Variants in SBF1 observed in about 807,000 individuals in gnomAD.
SBF1 encodes SET binding factor 1.
Under a neutral mutation model 215.8 loss-of-function variants are expected in SBF1, and 65 were observed. The observed-to-expected ratio is 0.30, with a 90% CI of 0.25 to 0.37. The LOEUF (loss-of-function observed/expected upper bound fraction) is 0.37, where lower values mean the gene tolerates loss of function less well. Among genes scored for constraint, SBF1 ranks in the 10% least tolerant of loss-of-function variants. The pLI is 1.00. For synonymous variants in SBF1, 1,410 were observed against 1,122.8 expected (o/e 1.26, Z -5.11); for missense variants, 2,634 against 2,667.8 (o/e 0.99, Z 0.28).
chr22:50,462,515 C>CAGCCCCT lies in SBF1; in HGVS notation c.2127+37_2127+43dup, dbSNP rs765757476. On this transcript the variant is annotated intron_variant, in intron 18 of 40. Coordinates refer to ENST00000380817, the MANE Select transcript of SBF1 (RefSeq NM_002972.4). ...CGCATGAGCCGGGGCCACGCTGCCC[C>CAGCCCCT]AGCCCCTAGCCCCCAGCCCCCAGCC... The CAGCCCCT allele has an allele frequency of 3.1e-6, 5 of 1,611,002 alleles. No homozygotes were observed. The Admixed American group carries it at 6.7e-5, about 22-fold the overall frequency.
chr22:50,453,108 C>T (rs961200905), intron 36 of SBF1, among the ~76,000 whole-genome samples: 1 of 151,986 alleles, frequency 6.6e-6, no homozygotes, highest in African/African-American at 2.4e-5. Context: ...TAAAAAAACC[C>T]ATTAGACTGG....
rs376310469 is a variant in SBF1, at chr22:50,462,444, G to A, written c.2157C>T (p.Asp719=). 31 of 1,613,734 alleles carry A rather than the reference G, an allele frequency of 1.9e-5. No homozygotes were observed. In the African/African-American group the frequency reaches 2.1e-4, roughly 11 times the overall value. ...QEVGEAPSQE[D]ERSALDVASE... is the part of the protein sequence containing the mutation. ...AAGCCACGTCTAGGGCAGAGCGCTCGTCCTCCTGGGAAGGTGCCTCCCCAA... is the reference window on the plus strand; with the variant it reads ...AAGCCACGTCTAGGGCAGAGCGCTCATCCTCCTGGGAAGGTGCCTCCCCAA... Residue 719 remains aspartate (D), a synonymous_variant, in exon 19 of 41, where the codon GAC becomes GAT. Coordinates refer to ENST00000380817, the MANE Select transcript of SBF1 (RefSeq NM_002972.4).
rs373494342 is a variant in SBF1 at position 50,459,304 on chromosome 22, C to A, written c.3777G>T (p.Ser1259=). Residue 1259 remains serine (S), a synonymous_variant, in exon 28 of 41, where the codon TCG becomes TCT. Coordinates refer to ENST00000380817, the MANE Select transcript of SBF1 (RefSeq NM_002972.4). ...AGAAGCCGCTAAGCGTGTTGCGTCC[C>A]GACGCGTCGGCGTAGCGGGGCATGG... ...VSSMPRYADA[S]GRNTLSGFSS... is the part of the protein sequence containing the mutation. 8.7e-6 allele frequency: 14 copies of A among 1,611,980 alleles called. No homozygotes were observed. Among genetic ancestry groups the A allele is most frequent in the African/African-American group, 1.3e-5 (1 of 74,914 alleles).
In SBF1 at chr22:50,474,943, C is replaced by T; in HGVS notation, c.-103G>A. 1.3e-6 allele frequency: 1 copy of T among 790,122 alleles called. No individual in the cohort carries two copies. The highest frequency in any genetic ancestry group is 1.7e-6 in the Non-Finnish European group (1 of 595,652). The allele number at this position is 790,122 out of a possible 1,614,324, so 48.9% of individuals were successfully genotyped here. On this transcript the variant is annotated 5_prime_UTR_variant, in exon 1 of 41. Coordinates refer to ENST00000380817, the MANE Select transcript of SBF1 (RefSeq NM_002972.4). Reference sequence around the variant, plus strand: ...CCGGCCCCGGCCCTGGACCGCGCACCCCGGACACCCCTGGTTCGCTCCGCG... The same window carrying T: ...CCGGCCCCGGCCCTGGACCGCGCACTCCGGACACCCCTGGTTCGCTCCGCG...
In SBF1 at chr22:50,454,549, G is replaced by T; in HGVS notation, c.5006C>A (p.Pro1669Gln). The T allele has an allele frequency of 6.2e-7, 1 of 1,611,172 alleles. No homozygotes were observed. Among genetic ancestry groups the T allele is most frequent in the African/African-American group, 1.3e-5 (1 of 75,016 alleles). The change falls in exon 36 of 41, where the codon CCG becomes CAG. Residue 1669 changes from proline to glutamine, a missense_variant. By Grantham distance (76) the Pro-to-Gln change is moderately conservative. Transcript: ENST00000380817. ...TGAGATGGCGTCAGGCTGGGCCCGC[G>T]GGCAGCTGTCGTAACAGGGCCACAC... ...RVVWPCYDSC[P>Q]RAQPDAISRL...
chr22:50,460,936 G>A (rs997933083), intron 23 of SBF1, among the ~76,000 whole-genome samples: 2 of 152,204 alleles, frequency 1.3e-5, no homozygotes, highest in Non-Finnish European at 2.9e-5. Flanking sequence ...CCCAAGACAC[G>A]GACTTGAGGG....
At chr22:50,454,165 G>A (rs180924914) in intron 36 of SBF1, among the ~76,000 whole-genome samples, 4 of 152,314 alleles carry the variant, frequency 2.6e-5, no homozygotes, top group South Asian at 4.2e-4. Flanking sequence ...AAACACTGTC[G>A]TCTCTAAGGG....
rs2066820323 is a variant in SBF1, at chr22:50,446,439, G to C, written c.*703C>G. The C allele has an allele frequency of 6.0e-6, 1 of 165,518 alleles. No homozygotes were observed. 10.3% of individuals were successfully genotyped at this position (165,518 alleles called of 1,614,324 possible). A position where few individuals can be genotyped will look rare whatever the true frequency, so the allele number is the denominator to read the frequency against. The stretch of plus-strand genomic sequence containing the variant: ...TGACGTCCACCTCAAGTGTCCTCTG[G>C]ACCTGCAACAGCCTTCTGGGGTCAA... On this transcript the variant is annotated 3_prime_UTR_variant, in exon 41 of 41. Coordinates refer to ENST00000380817, the MANE Select transcript of SBF1 (RefSeq NM_002972.4).
At chr22:50,454,037 C>A (rs1328460213) in intron 36 of SBF1, among the ~76,000 whole-genome samples, 1 of 152,178 alleles carries the variant, frequency 6.6e-6, no homozygotes, top group Non-Finnish European at 1.5e-5. Flanking sequence ...TCAGTCCAGG[C>A]CCACCAGGGA....
chr22:50,468,465 A>G lies in SBF1; in HGVS notation c.56-4T>C. On this transcript the variant is annotated splice_polypyrimidine_tract_variant and splice_region_variant and intron_variant, in intron 1 of 40. Transcript: ENST00000380817. ...TGGCCCTGGCCTTCCCCACTCCCTG[A>G]GGACAAGAACAGGGGGTCAGAGCAC... The G allele has an allele frequency of 2.5e-6, 4 of 1,596,628 alleles. No homozygotes were observed. The highest frequency in any genetic ancestry group is 3.4e-6 in the Non-Finnish European group (4 of 1,170,218).
rs141053122 is a variant in SBF1, at chr22:50,447,220, A to C, written c.5604T>G (p.Val1868=). ...GCACGTCCTGGGCACAGAAGTTGTAAACGCGACGCGTTGTCTTCACCTGGG... is the reference window on the plus strand; with the variant it reads ...GCACGTCCTGGGCACAGAAGTTGTACACGCGACGCGTTGTCTTCACCTGGG... ...AFFDVKTTRR[V]YNFCAQDVPS... is the part of the protein sequence containing the mutation. Residue 1868 remains valine, a synonymous_variant, in exon 41 of 41, where the codon GTT becomes GTG. Coordinates refer to ENST00000380817, the MANE Select transcript of SBF1 (RefSeq NM_002972.4). 22 of 1,613,822 alleles carry C rather than the reference A, an allele frequency of 1.4e-5. No individual in the cohort carries two copies. The highest frequency in any genetic ancestry group is 1.9e-5 in the Non-Finnish European group (22 of 1,179,998).
At chr22:50,470,643 C>G (rs2067963322) in intron 1 of SBF1, among the ~76,000 whole-genome samples, 1 of 152,210 alleles carries the variant, frequency 6.6e-6, no homozygotes, top group African/African-American at 2.4e-5. Flanking sequence ...TAGGACCGAC[C>G]TCCCTCCACC....
Position 50,455,232 on chromosome 22 carries a change from C to T in SBF1, c.4546G>A (p.Val1516Ile), listed in dbSNP as rs758253450. 15 of 1,612,772 alleles carry T rather than the reference C, an allele frequency of 9.3e-6. No homozygotes were observed. Among genetic ancestry groups the T allele is most frequent in the East Asian group, 8.9e-5 (4 of 44,854 alleles). ...CACAGCGGCCTGCCCACCTGGTGTA[C>T]GCAGTCCAGGAACTGCAGGAAGACG... is the stretch of plus-strand genomic sequence containing the variant. ...TPVFLQFLDCVHQVHLQFPME... is the reference protein window; with the variant it reads ...TPVFLQFLDCIHQVHLQFPME... The change falls in exon 33 of 41, where the codon GTA becomes ATA. Residue 1516 changes from valine (V) to isoleucine (I), a missense_variant. Val to Ile is a conservative substitution (Grantham distance 29). Coordinates refer to ENST00000380817, the MANE Select transcript of SBF1 (RefSeq NM_002972.4).
chr22:50,463,949 T>C (rs1370535260), intron 15 of SBF1, among the ~76,000 whole-genome samples: 1 of 152,210 alleles, frequency 6.6e-6, no homozygotes, highest in East Asian at 1.9e-4. Context: ...AAGCTCTGTT[T>C]CCATAAGATG....
At chr22:50,456,013 C>T in intron 31 of SBF1, 1 of 611,130 alleles carries the variant, frequency 1.6e-6, no homozygotes, top group South Asian at 2.1e-5. Flanking sequence ...AAGCCCTGGC[C>T]ACTCTCACTG....
chr22:50,469,237 T>G (rs1416449619), intron 1 of SBF1, among the ~76,000 whole-genome samples: 1 of 152,208 alleles, frequency 6.6e-6, no homozygotes, highest in Non-Finnish European at 1.5e-5. Flanking sequence ...GCCTGCTCCC[T>G]GTCTCCAAAT....
In SBF1 at chr22:50,459,519, A is replaced by G; in HGVS notation, c.3639T>C (p.His1213=). Residue 1213 remains histidine, a synonymous_variant, in exon 27 of 41, where the codon CAT becomes CAC. Coordinates refer to ENST00000380817, the MANE Select transcript of SBF1 (RefSeq NM_002972.4). ...KAVLLRSGGL[H]GKGVVGLFKA... Reference sequence around the variant, plus strand: ...TGAAGAGGCCGACGACACCTTTGCCATGCAGGCCTCCAGAGCGCAGCAGCA... The same window carrying G: ...TGAAGAGGCCGACGACACCTTTGCCGTGCAGGCCTCCAGAGCGCAGCAGCA... 6.2e-7 allele frequency: 1 copy of G among 1,610,402 alleles called. No individual in the cohort carries two copies. Among genetic ancestry groups the G allele is most frequent in the South Asian group, 1.1e-5 (1 of 91,074 alleles).
At chr22:50,459,122 C>T in intron 28 of SBF1, 133 bp downstream of exon 28, 9 of 1,313,052 alleles carry the variant, frequency 6.9e-6, no homozygotes, top group Non-Finnish European at 9.2e-6. Flanking sequence ...GGAGGGCATG[C>T]TCCTCATCCC....
In SBF1 at chr22:50,468,480, G is replaced by A. The variant is rs771729296; in HGVS notation, c.56-19C>T. On this transcript the variant is annotated intron_variant, in intron 1 of 40. Coordinates refer to ENST00000380817, the MANE Select transcript of SBF1 (RefSeq NM_002972.4). ...CCACTCCCTGAGGACAAGAACAGGG[G>A]GTCAGAGCACCCAACCCGCCCCCCA... 1.1e-4 allele frequency: 168 copies of A among 1,559,902 alleles called. 1 individual carries two copies. The highest frequency in any genetic ancestry group is 8.7e-4 in the South Asian group (74 of 85,274).
Sources: allele counts gnomAD v4.1 joint callset (sites outside exome capture counted in the v4.1 genomes callset), GRCh38; gene constraint gnomAD v4.1.1; transcripts MANE v1.5; gene names NCBI Gene and HGNC (gene_info 2026-07-23, HGNC 2026-07-21).